Variants in FARP1 observed in about 807,000 individuals in gnomAD.
The protein encoded by FARP1 is FERM, ARH/RhoGEF and pleckstrin domain protein 1, also known as FERM, ARHGEF and pleckstrin domain-containing protein 1.
A neutral mutation model predicts 128.8 loss-of-function variants in FARP1; 52 were observed. The ratio of observed to expected loss-of-function variants is 0.40; its 90% CI spans 0.32 to 0.51. The LOEUF (loss-of-function observed/expected upper bound fraction) is 0.51. Among genes scored for constraint, FARP1 ranks in the 20% least tolerant of loss-of-function variants. The pLI is 0.45. For missense variants in FARP1, 1,333 were observed against 1,367.9 expected (o/e 0.97, Z 0.40); for synonymous variants, 580 against 551.8 (o/e 1.05, Z -0.72).
intron 1 of FARP1, among the ~76,000 whole-genome samples, chr13:98,206,251 G>T (rs1254427562): frequency 6.6e-6 from 1 of 151,574 alleles, no homozygotes; most frequent in Non-Finnish European, 1.5e-5. Flanking sequence ...CTTATTTGCT[G>T]AAACTTTGGT....
chr13:98,305,532 C>G (rs1252642553), intron 2 of FARP1, among the ~76,000 whole-genome samples: 5 of 152,154 alleles, frequency 3.3e-5, no homozygotes, highest in Non-Finnish European at 7.3e-5. Context: ...CGGGGTTTCT[C>G]CATGTTGGTC....
At chr13:98,318,443 T>A (rs1886839177) in intron 2 of FARP1, among the ~76,000 whole-genome samples, 1 of 152,204 alleles carries the variant, frequency 6.6e-6, no homozygotes, top group African/African-American at 2.4e-5. Flanking sequence ...ATTTCCTTAC[T>A]TTAACCGTGG....
chr13:98,160,734 G>C (rs1335118238), intron 1 of FARP1, among the ~76,000 whole-genome samples: 3 of 152,044 alleles, frequency 2.0e-5, no homozygotes, highest in Admixed American at 6.6e-5. Context: ...TGCCATCTCG[G>C]CTCACTGCAA....
In FARP1 at chr13:98,176,940, C is replaced by T. The variant is rs777645972; in HGVS notation, c.-24+33448C>T. On this transcript the variant is annotated intron_variant, in intron 1 of 26. Transcript: ENST00000319562. This position sits in a 1 kb window ranked among gnomAD's most constrained non-coding sequence, Gnocchi z 6.2. ...TGTCCTCTGGCCCCACAGGCTTCGC[C>T]GAGCGGGTGGACCTGTACACCACGT... 35 of 1,602,664 alleles carry T rather than the reference C, an allele frequency of 2.2e-5. No homozygotes were observed. Among genetic ancestry groups the T allele is most frequent in the Non-Finnish European group, 5.1e-6 (6 of 1,179,906 alleles).
Position 98,351,426 on chromosome 13 carries a change from C to G in FARP1, c.276+7560C>G, listed in dbSNP as rs371534397. ...AGGAGATCAAGACCATCCTGGCTAACAGGGTGAAACCCCGTCTCTACTAAA... is the reference window on the plus strand; with the variant it reads ...AGGAGATCAAGACCATCCTGGCTAAGAGGGTGAAACCCCGTCTCTACTAAA... On this transcript the variant is annotated intron_variant, in intron 3 of 26. Transcript: ENST00000319562. 5.6e-4 allele frequency among the ~76,000 whole-genome samples: 85 copies of G among 152,188 alleles called. 2 individuals are homozygous for G. In the East Asian group the frequency reaches 0.015, roughly 26 times the overall value.
chr13:98,307,203 A>C (rs868206833), intron 2 of FARP1, among the ~76,000 whole-genome samples: 8 of 152,348 alleles, frequency 5.3e-5, no homozygotes, highest in Middle Eastern at 6.8e-3. Context: ...TGAGAGGTTT[A>C]CCTATGAAGT....
At position 98,431,037 on chromosome 13, in the gene FARP1, C is replaced by T; in HGVS notation, c.1906-6C>T. On this transcript the variant is annotated splice_polypyrimidine_tract_variant and splice_region_variant and intron_variant, in intron 17 of 26. Coordinates refer to ENST00000319562, the MANE Select transcript of FARP1 (RefSeq NM_005766.4). The stretch of plus-strand genomic sequence containing the variant: ...ACAGGACCCTCCTCCTCTGTTGCCT[C>T]CCAAGCACCTGGCGGCTCACCTGTG... The T allele has an allele frequency of 6.2e-7, 1 of 1,607,924 alleles. No homozygotes were observed. The highest frequency in any genetic ancestry group is 1.1e-5 in the South Asian group (1 of 90,642).
intron 3 of FARP1, among the ~76,000 whole-genome samples, chr13:98,355,535 A>G (rs1350217522): frequency 1.3e-5 from 2 of 152,182 alleles, no homozygotes; most frequent in Admixed American, 1.3e-4. Flanking sequence ...TCAGGGCCGC[A>G]TCCCAGATTA....
chr13:98,348,503 G>C (rs1287441794), intron 3 of FARP1, among the ~76,000 whole-genome samples: 13 of 152,360 alleles, frequency 8.5e-5, no homozygotes, highest in African/African-American at 2.6e-4. Context: ...GACTTTGCAG[G>C]ATTCTTGCTA....
intron 2 of FARP1, among the ~76,000 whole-genome samples, chr13:98,298,793 G>A (rs1224328966): frequency 6.6e-6 from 1 of 152,174 alleles, no homozygotes; most frequent in East Asian, 1.9e-4. Flanking sequence ...GTGTAATAAT[G>A]TAGGTGAGTT....
Position 98,448,293 on chromosome 13 carries a change from T to C in FARP1, c.3114T>C (p.Ser1038=), listed in dbSNP as rs12261. The part of the protein sequence containing the change: ...TSSASRPHVL[S]HKESLVY ...CTGCCTCGCGACCCCACGTGTTGAG[T>C]CACAAAGAGTCTCTTGTGTATTGAT... Residue 1038 remains serine (S), a synonymous_variant, in exon 27 of 27, where the codon AGT becomes AGC. Transcript: ENST00000319562. The C allele has an allele frequency of 0.57, 911,147 of 1,612,630 alleles. 259,699 individuals are homozygous for C. The highest frequency in any genetic ancestry group is 0.6 in the East Asian group (26,829 of 44,850).
chr13:98,213,172 G>A (rs1880835004), intron 1 of FARP1, 48 bp from the exon 2 acceptor site: 1 of 1,489,390 alleles, frequency 6.7e-7, no homozygotes, highest in Non-Finnish European at 9.1e-7. Flanking sequence ...CAGCTTGGGT[G>A]GTAGTCTCCT....
chr13:98,214,493 T>G (rs1566750914), intron 2 of FARP1, among the ~76,000 whole-genome samples: 3 of 152,158 alleles, frequency 2.0e-5, no homozygotes, highest in Non-Finnish European at 4.4e-5. Flanking sequence ...AGATGATCTG[T>G]GTGTCATTCC....
At chr13:98,313,784 G>C (rs1886596322) in intron 2 of FARP1, among the ~76,000 whole-genome samples, 2 of 152,220 alleles carry the variant, frequency 1.3e-5, no homozygotes, top group South Asian at 2.1e-4. Flanking sequence ...ACACTGGGAA[G>C]GGATCATAGG....
At chr13:98,393,765 T>A in intron 12 of FARP1, 47 bp downstream of exon 12, 1 of 1,414,542 alleles carries the variant, frequency 7.1e-7, no homozygotes, top group Non-Finnish European at 1.0e-6. Context: ...TCCCCACACT[T>A]CCTCCACGGA....
At chr13:98,309,296 A>G (rs1416551902) in intron 2 of FARP1, among the ~76,000 whole-genome samples, 7 of 147,982 alleles carry the variant, frequency 4.7e-5, no homozygotes, top group African/African-American at 1.7e-4. Context: ...CCTCCCGAGT[A>G]GCTGGGCCTA....
At position 98,219,767 on chromosome 13, in the gene FARP1, C is replaced by T. The variant is rs1480270446; in HGVS notation, c.171+6354C>T. On this transcript the variant is annotated intron_variant, in intron 2 of 26. Transcript: ENST00000319562. ...TGCCGCCTTGACCTTCTGGGCTCAG[C>T]GGGCCTCCCACCACAGTCCCCCCTA... 2.0e-5 allele frequency among the ~76,000 whole-genome samples: 3 copies of T among 152,162 alleles called. No individual in the cohort carries two copies. In the East Asian group the frequency reaches 5.8e-4, roughly 29 times the overall value.
intron 2 of FARP1, among the ~76,000 whole-genome samples, chr13:98,335,425 T>G (rs187901698): frequency 1.4e-4 from 22 of 152,298 alleles, no homozygotes; most frequent in Non-Finnish European, 2.8e-4. Context: ...TCAGATCTTG[T>G]GAGACTTACT....
chr13:98,318,734 T>A (rs1886852952), intron 2 of FARP1, among the ~76,000 whole-genome samples: 1 of 152,180 alleles, frequency 6.6e-6, no homozygotes, highest in Non-Finnish European at 1.5e-5. Flanking sequence ...TTCTCTTTGA[T>A]GTCTTTTGCT....
Sources: gnomAD v4.1 joint callset for allele counts (sites outside exome capture counted in the v4.1 genomes callset) on GRCh38, gnomAD v4.1.1 for gene constraint, Gnocchi (gnomAD v3.1) non-coding constraint, MANE v1.5 for transcripts, NCBI Gene and HGNC (gene_info 2026-07-23, HGNC 2026-07-21) for gene names.